The following SHBG variants were observed in gnomAD, a reference collection of about 807,000 sequenced individuals.
SHBG encodes sex hormone binding globulin, also known as sex hormone-binding globulin.
SHBG carries 37 observed loss-of-function variants against 41.9 expected under a neutral mutation model. The ratio of observed to expected loss-of-function variants is 0.88; its 90% confidence interval spans 0.68 to 1.16. The LOEUF is 1.16. SHBG is among the 50% of genes most tolerant of loss of function. SHBG has a pLI of 0.00. For synonymous variants in SHBG, 217 were observed against 205.8 expected, an observed-to-expected ratio of 1.05 and a Z score of -0.47; for missense variants, 466 against 499.9, an observed-to-expected ratio of 0.93 and a Z score of 0.65.
At chr17:7,615,365 G>C (rs537627784) in intron 1 of SHBG, among the ~76,000 whole-genome samples, 1 of 152,138 alleles carries the variant, frequency 6.6e-6, no homozygotes, top group Non-Finnish European at 1.5e-5. Context: ...AAGAGGAGTC[G>C]CCGCAAGGAA....
chr17:7,625,106 C>T (rs553247780), upstream of SHBG, among the ~76,000 whole-genome samples: 10 of 151,706 alleles, frequency 6.6e-5, no homozygotes, highest in South Asian at 1.3e-3. Context: ...CCTGCCACCA[C>T]GCCTGGCTAA....
upstream of SHBG, among the ~76,000 whole-genome samples, chr17:7,629,369 C>T (rs556474367): frequency 1.2e-4 from 16 of 133,998 alleles, no homozygotes; most frequent in African/African-American, 4.0e-4. Context: ...TAGAGCAAGA[C>T]TCTGTCTAAA....
intron 1 of SHBG, chr17:7,614,519 GC>G: frequency 6.7e-7 from 1 of 1,498,414 alleles, no homozygotes; most frequent in East Asian, 2.8e-5. Flanking sequence ...CCCCCCAGAG[GC>G]CAGGCCGCCC....
intron 1 of SHBG, among the ~76,000 whole-genome samples, chr17:7,622,042 A>G (rs1048652195): frequency 6.7e-6 from 1 of 148,980 alleles, no homozygotes; most frequent in African/African-American, 2.5e-5. Flanking sequence ...ACAGGGTTTC[A>G]CCATGTTGGT....
chr17:7,624,310 CA>C (rs1434232866), upstream of SHBG, among the ~76,000 whole-genome samples: 1 of 151,752 alleles, frequency 6.6e-6, no homozygotes, highest in Admixed American at 6.6e-5. Context: ...TGCGGTGGCA[CA>C]ATCTCAGCTC....
upstream of SHBG, among the ~76,000 whole-genome samples, chr17:7,625,506 G>C (rs1306379332): frequency 6.6e-6 from 1 of 151,886 alleles, no homozygotes; most frequent in Non-Finnish European, 1.5e-5. Flanking sequence ...GAACCCAAGA[G>C]GCAAAGCTTG....
chr17:7,625,716 C>T (rs1166750099), upstream of SHBG, among the ~76,000 whole-genome samples: 1 of 151,808 alleles, frequency 6.6e-6, no homozygotes, highest in East Asian at 1.9e-4. Flanking sequence ...CAAGGTGAAA[C>T]CCCGTCTCTA....
chr17:7,631,109 G>A lies in SHBG; in HGVS notation c.394-91G>A. 3 of 1,333,500 alleles carry A rather than the reference G, an allele frequency of 2.2e-6. No homozygotes were observed. In the South Asian group the frequency reaches 4.5e-5, roughly 20 times the overall value. 82.6% of individuals were successfully genotyped at this position (1,333,500 alleles called of 1,614,324 possible). On this transcript the variant is annotated intron_variant, in intron 3 of 7. Coordinates refer to ENST00000380450, the MANE Select transcript of SHBG (RefSeq NM_001040.5). ...GATGCTAGCTGCTTCTTTAAGGCAT[G>A]TTCTTTCCACTATAGTACTAGGCTG... is the stretch of plus-strand genomic sequence containing the variant.
chr17:7,627,745 C>T (rs771102778), upstream of SHBG: 3 of 952,420 alleles, frequency 3.1e-6, no homozygotes, highest in South Asian at 1.3e-5. This position sits in a 1 kb window ranked among gnomAD's most constrained non-coding sequence, Gnocchi z 4.8. Flanking sequence ...AGCGGGGTGG[C>T]GGGAGTCGGG....
chr17:7,618,496 G>A (rs1381457238), intron 1 of SHBG, among the ~76,000 whole-genome samples: 2 of 151,444 alleles, frequency 1.3e-5, no homozygotes, highest in East Asian at 3.9e-4. Context: ...TAGTAAAGAC[G>A]GGGTTTCACC....
chr17:7,618,262 G>C (rs2072028127), intron 1 of SHBG, among the ~76,000 whole-genome samples: 1 of 150,832 alleles, frequency 6.6e-6, no homozygotes, highest in African/African-American at 2.4e-5. Context: ...CCTATACCTA[G>C]CCACACTCTC....
At chr17:7,614,587 G>T in intron 1 of SHBG, 1 of 1,191,476 alleles carries the variant, frequency 8.4e-7, no homozygotes, top group Non-Finnish European at 1.1e-6. Context: ...CAGTCTGAGT[G>T]CGGGCCGGGC....
intron 1 of SHBG, chr17:7,614,485 G>A: frequency 6.5e-7 from 1 of 1,541,676 alleles, no homozygotes; most frequent in Non-Finnish European, 8.7e-7. Flanking sequence ...CGCGCACCTC[G>A]ACGGGCAGTC....
In SHBG at chr17:7,631,585, C is replaced by G. The variant is rs751740736; in HGVS notation, c.556-4C>G. On this transcript the variant is annotated splice_region_variant and splice_polypyrimidine_tract_variant and intron_variant, in intron 4 of 7. Coordinates refer to ENST00000380450, the MANE Select transcript of SHBG (RefSeq NM_001040.5). Reference sequence around the variant, plus strand: ...CCCCGTATCTTATCTCTGTCACACTCCAGCTGGTTCCTGCCCTGGATGGCT... The same window carrying G: ...CCCCGTATCTTATCTCTGTCACACTGCAGCTGGTTCCTGCCCTGGATGGCT... 4 of 1,613,964 alleles carry G rather than the reference C, an allele frequency of 2.5e-6. No individual in the cohort carries two copies. Among genetic ancestry groups the G allele is most frequent in the African/African-American group, 1.3e-5 (1 of 74,922 alleles).
At chr17:7,622,636 A>T (rs1331742039) in intron 1 of SHBG, among the ~76,000 whole-genome samples, 2 of 152,080 alleles carry the variant, frequency 1.3e-5, no homozygotes, top group Non-Finnish European at 2.9e-5. Flanking sequence ...AAGGATGTAG[A>T]CATGGGGGTG....
chr17:7,627,468 G>A, upstream of SHBG: 4 of 1,608,892 alleles, frequency 2.5e-6, no homozygotes, highest in Non-Finnish European at 3.4e-6. The surrounding 1 kb of genome is among the most constrained non-coding windows in gnomAD (Gnocchi z 4.8). Flanking sequence ...GCTGCTCCCC[G>A]AGCAGGTTCC....
rs1477857509 is a variant in SHBG, at chr17:7,631,587, A to G, written c.556-2A>G. The G allele has an allele frequency of 6.2e-7, 1 of 1,614,046 alleles. No homozygotes were observed. The highest frequency in any genetic ancestry group is 8.5e-7 in the Non-Finnish European group (1 of 1,180,000). ...CCGTATCTTATCTCTGTCACACTCC[A>G]GCTGGTTCCTGCCCTGGATGGCTGC... On this transcript the variant is annotated splice_acceptor_variant, in intron 4 of 7. Coordinates refer to ENST00000380450, the MANE Select transcript of SHBG (RefSeq NM_001040.5). LOFTEE classifies it high-confidence loss of function.
chr17:7,630,560 A>T lies in SHBG; in HGVS notation c.203+53A>T. The T allele has an allele frequency of 6.4e-7, 1 of 1,559,932 alleles. No individual in the cohort carries two copies. The highest frequency in any genetic ancestry group is 1.1e-5 in the South Asian group (1 of 89,806). On this transcript the variant is annotated intron_variant, in intron 2 of 7. Transcript: ENST00000380450. The surrounding 1 kb of genome is among the most constrained non-coding windows in gnomAD (Gnocchi z 4.6). The stretch of plus-strand genomic sequence containing the variant: ...AGTCCCCTGGTTCTGCCCTCTCTCC[A>T]TCAGCTCTTCTCTTTTCCCTGTCTT...
At chr17:7,619,732 A>T (rs2072057017) in intron 1 of SHBG, among the ~76,000 whole-genome samples, 1 of 152,170 alleles carries the variant, frequency 6.6e-6, no homozygotes, top group East Asian at 1.9e-4. Context: ...AAAAAAAGTA[A>T]ACACTAAACA....
Sources: allele counts gnomAD v4.1 joint callset (sites outside exome capture counted in the v4.1 genomes callset), GRCh38; gene constraint gnomAD v4.1.1; non-coding constraint Gnocchi (gnomAD v3.1); transcripts MANE v1.5; gene names NCBI Gene and HGNC (gene_info 2026-07-23, HGNC 2026-07-21).